AMMECR1: variants seen among roughly 807,000 people sequenced by gnomAD.
AMMECR1 encodes the protein AMMECR nuclear protein 1.
Under a neutral mutation model 22.5 loss-of-function variants are expected in AMMECR1, and 3 were observed. The observed-to-expected ratio is 0.13, with a 90% CI of 0.06 to 0.35. AMMECR1 has a LOEUF of 0.35. Among genes scored for constraint, AMMECR1 ranks in the 10% least tolerant of loss-of-function variants. The pLI is 1.00. For synonymous variants in AMMECR1, 130 were observed against 116.7 expected (o/e 1.11, Z -0.74); for missense variants, 235 against 278.7 (o/e 0.84, Z 1.12).
chrX:110,289,602 G>A (rs969870924), intron 1 of AMMECR1, among the ~76,000 whole-genome samples: 4 of 112,033 alleles, frequency 3.6e-5, no homozygotes, highest in African/African-American at 1.3e-4. Flanking sequence ...AAACATATAT[G>A]TACATAAACA....
At chrX:110,292,515 G>A (rs1007124628) in intron 1 of AMMECR1, among the ~76,000 whole-genome samples, 2 of 111,932 alleles carry the variant, frequency 1.8e-5, no homozygotes, top group African/African-American at 6.5e-5. Flanking sequence ...CTAGACAATG[G>A]AATATTACTC....
chrX:110,433,424 G>A (rs1251610183), intron 1 of AMMECR1, among the ~76,000 whole-genome samples: 4 of 111,333 alleles, frequency 3.6e-5, no homozygotes, highest in African/African-American at 3.3e-5. Flanking sequence ...CTGTCTTATC[G>A]CAGGCCTGGG....
At chrX:110,251,409 C>T (rs907752342) in intron 2 of AMMECR1, among the ~76,000 whole-genome samples, 6 of 111,358 alleles carry the variant, frequency 5.4e-5, no homozygotes, top group African/African-American at 2.0e-4. Context: ...AATGTGAAGC[C>T]AGAGAGACAT....
chrX:110,371,183 C>T (rs1215399539), intron 2 of AMMECR1, among the ~76,000 whole-genome samples: 1 of 110,549 alleles, frequency 9.0e-6, no homozygotes, highest in African/African-American at 3.3e-5. Context: ...CCTAAAGATC[C>T]AGTTTTCACC....
intron 1 of AMMECR1, among the ~76,000 whole-genome samples, chrX:110,291,418 C>T (rs1013572826): frequency 1.9e-4 from 21 of 110,750 alleles, no homozygotes; most frequent in Admixed American, 7.6e-4. Flanking sequence ...CCTAGCTACT[C>T]AGGAGGCTGA....
In AMMECR1 at chrX:110,196,203, G is replaced by A. The variant is rs1476068870; in HGVS notation, c.*2317C>T. On this transcript the variant is annotated 3_prime_UTR_variant, in exon 6 of 6. Transcript: ENST00000262844. ...TGTATGTATGTATGTGTAAGTATATGTACACACACACATCTATGTATGTAA... is the reference window on the plus strand; with the variant it reads ...TGTATGTATGTATGTGTAAGTATATATACACACACACATCTATGTATGTAA... 1 of 111,079 alleles carries A rather than the reference G, an allele frequency of 9.0e-6. No homozygotes were observed. The highest frequency in any genetic ancestry group is 3.3e-5 in the African/African-American group (1 of 30,503). 9.2% of individuals were successfully genotyped at this position (111,079 alleles called of 1,213,427 possible).
intron 2 of AMMECR1, among the ~76,000 whole-genome samples, chrX:110,225,952 TGTTAAACATTAGTGGA>T (rs1364190481): frequency 8.9e-6 from 1 of 111,873 alleles, no homozygotes; most frequent in Non-Finnish European, 1.9e-5. Flanking sequence ...TCAATCCACA[TGTTAAACATTAGTGGA>T]GTTTAAATAC....
At chrX:110,217,950 T>C (rs755023931) in intron 2 of AMMECR1, among the ~76,000 whole-genome samples, 8 of 111,442 alleles carry the variant, frequency 7.2e-5, no homozygotes, top group Non-Finnish European at 1.1e-4. Flanking sequence ...AGAGATGTTA[T>C]ATATGTATAA....
At chrX:110,199,254 AT>A (rs2067385415) in intron 5 of AMMECR1, among the ~76,000 whole-genome samples, 1 of 110,430 alleles carries the variant, frequency 9.1e-6, no homozygotes, top group Admixed American at 9.7e-5. Flanking sequence ...TGATCTTTCC[AT>A]TTGCCCATCA....
chrX:110,439,633 C>T (rs2068865106), intron 1 of AMMECR1, among the ~76,000 whole-genome samples: 1 of 111,949 alleles, frequency 8.9e-6, no homozygotes, highest in Admixed American at 9.4e-5. Context: ...CAGAAGACCC[C>T]AAAGGACAGG....
intron 2 of AMMECR1, among the ~76,000 whole-genome samples, chrX:110,401,231 C>T (rs777556596): frequency 1.5e-4 from 17 of 111,557 alleles, no homozygotes; most frequent in Admixed American, 1.0e-3. Flanking sequence ...ACTCTTCCCT[C>T]GCTTGTGTGT....
chrX:110,377,230 TCACTTCTGC>T (rs2068383094), intron 2 of AMMECR1, among the ~76,000 whole-genome samples: 2 of 111,945 alleles, frequency 1.8e-5, no homozygotes, highest in South Asian at 7.6e-4. Flanking sequence ...AGAATAAAAT[TCACTTCTGC>T]CCAGTAGCGC....
intron 1 of AMMECR1, among the ~76,000 whole-genome samples, chrX:110,435,104 AG>A (rs1327515425): frequency 4.3e-5 from 1 of 23,199 alleles, no homozygotes; most frequent in African/African-American, 1.8e-4. Flanking sequence ...GGAAGGAGGG[AG>A]GGGGGAGGAG....
intron 1 of AMMECR1, among the ~76,000 whole-genome samples, chrX:110,305,907 C>T (rs2067991501): frequency 9.0e-6 from 1 of 110,846 alleles, no homozygotes; most frequent in Non-Finnish European, 1.9e-5. Flanking sequence ...CACTTGAACC[C>T]GTGAGGTGGA....
At chrX:110,335,962 A>G (rs181990498) in intron 2 of AMMECR1, among the ~76,000 whole-genome samples, 2 of 111,784 alleles carry the variant, frequency 1.8e-5, no homozygotes, top group East Asian at 5.6e-4. Flanking sequence ...ATGGGGGATT[A>G]CCTTAGAGTA....
At chrX:110,424,397 G>C (rs1370273583) in intron 2 of AMMECR1, among the ~76,000 whole-genome samples, 3 of 111,502 alleles carry the variant, frequency 2.7e-5, no homozygotes, top group Non-Finnish European at 5.6e-5. Context: ...AGCACTCCTA[G>C]GTGCTTTGAA....
At chrX:110,315,639 G>A (rs1002605578) in intron 1 of AMMECR1, among the ~76,000 whole-genome samples, 5 of 112,443 alleles carry the variant, frequency 4.4e-5, no homozygotes, top group African/African-American at 1.6e-4. Context: ...TAGTCATTGA[G>A]TTAACCCAAA....
Position 110,252,400 on chromosome X carries a change from TAGTG to T in AMMECR1, c.584+12085_584+12088del, listed in dbSNP as rs746535770. Among the ~76,000 whole-genome samples, 6 of 111,191 alleles carry T rather than the reference TAGTG, an allele frequency of 5.4e-5. No homozygotes were observed. In the South Asian group the frequency reaches 2.3e-3, roughly 42 times the overall value. ...GAGTTCATGACTAGCCTGGGTAACA[TAGTG>T]AGACGCTGTTCCCCACAAAAAGAAA... On this transcript the variant is annotated intron_variant, in intron 2 of 5. Transcript: ENST00000262844.
At chrX:110,398,723 C>T (rs779784622) in intron 2 of AMMECR1, among the ~76,000 whole-genome samples, 1 of 112,090 alleles carries the variant, frequency 8.9e-6, no homozygotes, top group South Asian at 3.7e-4. Flanking sequence ...CTCTCTGAAC[C>T]TTGAACCCTT....
Sources: gnomAD v4.1 joint callset for allele counts (sites outside exome capture counted in the v4.1 genomes callset) on GRCh38, gnomAD v4.1.1 for gene constraint, MANE v1.5 for transcripts, NCBI Gene and HGNC (gene_info 2026-07-23, HGNC 2026-07-21) for gene names.